FAT3: variants seen among roughly 807,000 people sequenced by gnomAD.
The protein encoded by FAT3 is FAT atypical cadherin 3, also known as protocadherin Fat 3.
FAT3 carries 95 observed loss-of-function variants against 310.2 expected under a neutral mutation model. The observed-to-expected ratio is 0.31, with a 90% confidence interval of 0.26 to 0.36. The LOEUF is 0.36. FAT3 is among the 10% of genes least tolerant of loss of function. The probability of loss-of-function intolerance (pLI) is 1.00; values close to 1 mark genes in which losing one functional copy is unlikely to be tolerated. For missense variants in FAT3, 5,408 were observed against 5,715.6 expected, an observed-to-expected ratio of 0.95 and a Z score of 1.74; for synonymous variants, 2,314 against 2,192.9, an observed-to-expected ratio of 1.06 and a Z score of -1.54.
At chr11:92,797,134 G>T (rs1266140661) in intron 9 of FAT3, among the ~76,000 whole-genome samples, 3 of 152,178 alleles carry the variant, frequency 2.0e-5, no homozygotes, top group African/African-American at 7.2e-5. Context: ...TGTGTGTTCA[G>T]AAGCATGAGA....
At chr11:92,428,470 A>T (rs982218272) in intron 2 of FAT3, among the ~76,000 whole-genome samples, 8 of 151,716 alleles carry the variant, frequency 5.3e-5, no homozygotes, top group African/African-American at 1.7e-4. Context: ...CAATTTTGTG[A>T]TGTTAGGATG....
In FAT3 at chr11:92,457,541, T is replaced by TA. The variant is rs563944088; in HGVS notation, c.3293-67085dup. On this transcript the variant is annotated intron_variant, in intron 2 of 27. Transcript: ENST00000525166. ...ATGAACATTAGTCGATATCCTGGCTTAAAAAAAATCTATTAAAAAATCACC... is the reference window on the plus strand; with the variant it reads ...ATGAACATTAGTCGATATCCTGGCTTAAAAAAAAATCTATTAAAAAATCACC... Among the ~76,000 whole-genome samples the TA allele has an allele frequency of 7.9e-5, 12 of 152,096 alleles. No homozygotes were observed. In the East Asian group the frequency reaches 1.4e-3, roughly 17 times the overall value.
intron 1 of FAT3, among the ~76,000 whole-genome samples, chr11:92,349,961 C>G (rs1248153866): frequency 4.7e-5 from 7 of 149,276 alleles, no homozygotes. Flanking sequence ...TCAGGAGAGT[C>G]TCCTGTAAGG....
intron 3 of FAT3, among the ~76,000 whole-genome samples, chr11:92,612,882 G>T (rs1940631264): frequency 6.6e-6 from 1 of 152,102 alleles, no homozygotes; most frequent in Non-Finnish European, 1.5e-5. Flanking sequence ...CAGGGAATGG[G>T]GTGAGCAAAG....
At chr11:92,537,966 T>A (rs1954315354) in intron 3 of FAT3, among the ~76,000 whole-genome samples, 2 of 152,072 alleles carry the variant, frequency 1.3e-5, no homozygotes, top group Non-Finnish European at 1.5e-5. Context: ...TCTTTATAAG[T>A]CATGTTATTG....
chr11:92,345,267 G>A (rs1948382769), intron 1 of FAT3, among the ~76,000 whole-genome samples: 1 of 152,022 alleles, frequency 6.6e-6, no homozygotes, highest in Admixed American at 6.6e-5. Flanking sequence ...CCATTTCAAG[G>A]CTGTTTGTTA....
At chr11:92,414,214 C>A (rs1950357189) in intron 2 of FAT3, among the ~76,000 whole-genome samples, 1 of 152,158 alleles carries the variant, frequency 6.6e-6, no homozygotes, top group Non-Finnish European at 1.5e-5. Flanking sequence ...ATTCACATGT[C>A]TAAAAACAAG....
intron 1 of FAT3, among the ~76,000 whole-genome samples, chr11:92,293,057 GA>G (rs1946734813): frequency 7.1e-6 from 1 of 141,478 alleles, no homozygotes; most frequent in Non-Finnish European, 1.5e-5. Flanking sequence ...AGGAAGGAAG[GA>G]AGGAAGGAAG....
rs79539974 is a variant in FAT3 at position 92,296,805 on chromosome 11, A to T, written c.-17-55291A>T. ...GCCATTGCGCATGCTGCCTTAAATC[A>T]TGGCAGTCCCTTTGCTCTAGCATTC... On this transcript the variant is annotated intron_variant, in intron 1 of 27. Coordinates refer to ENST00000525166, the MANE Select transcript of FAT3 (RefSeq NM_001367949.2). Among the ~76,000 whole-genome samples the T allele has an allele frequency of 1.2e-4, 19 of 152,184 alleles. No homozygotes were observed. In the East Asian group the frequency reaches 3.7e-3, roughly 30 times the overall value.
At chr11:92,659,658 G>A (rs1942708136) in intron 3 of FAT3, among the ~76,000 whole-genome samples, 1 of 152,218 alleles carries the variant, frequency 6.6e-6, no homozygotes, top group Admixed American at 6.5e-5. Flanking sequence ...CAGGAGGGAT[G>A]CTACCTAGGT....
chr11:92,657,472 A>C (rs191015089), intron 3 of FAT3, among the ~76,000 whole-genome samples: 70 of 152,324 alleles, frequency 4.6e-4, no homozygotes, highest in Non-Finnish European at 8.7e-4. Context: ...AGCCAAGTTT[A>C]TGTGAGGGCT....
chr11:92,418,144 C>T (rs148162043), intron 2 of FAT3, among the ~76,000 whole-genome samples: 259 of 152,236 alleles, frequency 1.7e-3, no homozygotes, highest in Middle Eastern at 0.014. Context: ...CAACTCTATT[C>T]CATCAACAAT....
intron 4 of FAT3, among the ~76,000 whole-genome samples, chr11:92,741,242 T>G (rs1326249781): frequency 1.3e-5 from 2 of 152,190 alleles, no homozygotes; most frequent in African/African-American, 4.8e-5. Flanking sequence ...AGTCTCACCA[T>G]GTTCCCCGAG....
intron 22 of FAT3, among the ~76,000 whole-genome samples, chr11:92,869,206 C>T (rs767976311): frequency 2.2e-4 from 33 of 152,254 alleles, no homozygotes; most frequent in Non-Finnish European, 4.1e-4. Flanking sequence ...CTACACAGTT[C>T]CCTTCTCACA....
At position 92,800,496 on chromosome 11, in the gene FAT3, G is replaced by T. The variant is rs1947308032; in HGVS notation, c.7483G>T (p.Ala2495Ser). Reference protein sequence around the residue: ...RVLGANLYSPAFSQSTYVAEV... With the variant: ...RVLGANLYSPSFSQSTYVAEV... ...ACTTGGGGCTAACTTGTACAGCCCTGCCTTTTCACAAAGCACATACGTAGC... is the reference window on the plus strand; with the variant it reads ...ACTTGGGGCTAACTTGTACAGCCCTTCCTTTTCACAAAGCACATACGTAGC... Residue 2495 changes from alanine (A) to serine (S), a missense_variant, in exon 10 of 28, where the codon GCC becomes TCC. By Grantham distance (99) the Ala-to-Ser change is moderately conservative. Coordinates refer to ENST00000525166, the MANE Select transcript of FAT3 (RefSeq NM_001367949.2). 6.2e-7 allele frequency: 1 copy of T among 1,613,840 alleles called. No homozygotes were observed. Among genetic ancestry groups the T allele is most frequent in the South Asian group, 1.1e-5 (1 of 91,084 alleles).
At chr11:92,682,073 G>A (rs1050358570) in intron 3 of FAT3, among the ~76,000 whole-genome samples, 21 of 152,186 alleles carry the variant, frequency 1.4e-4, no homozygotes, top group African/African-American at 3.9e-4. Context: ...TTGTGGTTAA[G>A]AATAAGGATT....
At chr11:92,680,333 T>A (rs1434350803) in intron 3 of FAT3, among the ~76,000 whole-genome samples, 1 of 152,196 alleles carries the variant, frequency 6.6e-6, no homozygotes. Flanking sequence ...GGCAATCCAA[T>A]TTTCCCAACA....
intron 2 of FAT3, among the ~76,000 whole-genome samples, chr11:92,438,815 A>G (rs982711951): frequency 6.6e-6 from 1 of 152,182 alleles, no homozygotes; most frequent in Non-Finnish European, 1.5e-5. Context: ...GCTTTTCCAC[A>G]AGGTAAAGTT....
chr11:92,549,828 C>T (rs1954742163), intron 3 of FAT3, among the ~76,000 whole-genome samples: 1 of 152,078 alleles, frequency 6.6e-6, no homozygotes, highest in Non-Finnish European at 1.5e-5. Context: ...GTACAATACA[C>T]CGTGGATAGA....
Sources: allele counts gnomAD v4.1 joint callset (sites outside exome capture counted in the v4.1 genomes callset), GRCh38; gene constraint gnomAD v4.1.1; transcripts MANE v1.5; gene names NCBI Gene and HGNC (gene_info 2026-07-23, HGNC 2026-07-21).